The following SDK1 variants were observed in gnomAD, a reference collection of about 807,000 sequenced individuals.
SDK1 encodes protein sidekick-1.
Under a neutral mutation model 245.5 loss-of-function variants are expected in SDK1, and 157 were observed. That is an observed-to-expected ratio of 0.64 (90% CI 0.56 to 0.73). SDK1 has a LOEUF of 0.73. Among genes scored for constraint, SDK1 ranks in the 30% least tolerant of loss-of-function variants. The pLI is 0.00. For missense variants in SDK1, 3,583 were observed against 3,002.3 expected (o/e 1.19, Z -4.52); for synonymous variants, 1,647 against 1,278.5 (o/e 1.29, Z -6.15).
At chr7:3,346,239 A>AG (rs1412373328) in intron 1 of SDK1, among the ~76,000 whole-genome samples, 1 of 152,028 alleles carries the variant, frequency 6.6e-6, no homozygotes, top group African/African-American at 2.4e-5. Context: ...CAGCGAGAAG[A>AG]GGAGTCCTGC....
intron 1 of SDK1, among the ~76,000 whole-genome samples, chr7:3,442,632 C>G (rs1349084453): frequency 3.3e-5 from 5 of 152,196 alleles, no homozygotes; most frequent in African/African-American, 4.8e-5. Flanking sequence ...CTTAGTTTCT[C>G]TAAGCCTATT....
intron 1 of SDK1, among the ~76,000 whole-genome samples, chr7:3,477,062 T>A (rs1338691088): frequency 1.3e-5 from 2 of 152,174 alleles, no homozygotes; most frequent in Non-Finnish European, 2.9e-5. Context: ...ATGAGTCTGA[T>A]TGTGACCTTC....
intron 4 of SDK1, among the ~76,000 whole-genome samples, chr7:3,817,691 C>G (rs1218618303): frequency 6.6e-6 from 1 of 152,190 alleles, no homozygotes; most frequent in African/African-American, 2.4e-5. Context: ...GTGGCCCTCC[C>G]TCCCCCATGC....
intron 5 of SDK1, among the ~76,000 whole-genome samples, chr7:3,891,779 G>T (rs186941550): frequency 3.3e-5 from 5 of 152,206 alleles, no homozygotes; most frequent in African/African-American, 1.2e-4. Context: ...GTCTTTACCC[G>T]TAGGCTGTGC....
At chr7:3,569,482 G>C (rs1471038127) in intron 1 of SDK1, among the ~76,000 whole-genome samples, 1 of 152,264 alleles carries the variant, frequency 6.6e-6, no homozygotes, top group African/African-American at 2.4e-5. Flanking sequence ...CACTGTGATT[G>C]AATGAGCCCG....
At chr7:4,188,992 T>A (rs1783042813) in intron 35 of SDK1, among the ~76,000 whole-genome samples, 1 of 152,218 alleles carries the variant, frequency 6.6e-6, no homozygotes. Context: ...CTTGTCTTAT[T>A]CCTCTTTGTT....
intron 1 of SDK1, among the ~76,000 whole-genome samples, chr7:3,346,823 A>AT (rs1461297067): frequency 2.4e-3 from 69 of 28,212 alleles, no homozygotes; most frequent in African/African-American, 6.7e-3. Flanking sequence ...ATATATATAT[A>AT]TATATTTTTT....
intron 22 of SDK1, among the ~76,000 whole-genome samples, chr7:4,084,662 ATATGT>A (rs756197182): frequency 7.1e-6 from 1 of 140,240 alleles, no homozygotes; most frequent in South Asian, 2.3e-4. Context: ...CCTTAAATGT[ATATGT>A]TATGTTACGT....
chr7:4,126,261 C>T (rs1784384830), intron 25 of SDK1, among the ~76,000 whole-genome samples: 1 of 152,188 alleles, frequency 6.6e-6, no homozygotes, highest in South Asian at 2.1e-4. Flanking sequence ...AATCGGTCCA[C>T]AAGAAAATTA....
At chr7:3,316,945 T>C (rs1042851052) in intron 1 of SDK1, among the ~76,000 whole-genome samples, 4 of 151,934 alleles carry the variant, frequency 2.6e-5, no homozygotes, top group Non-Finnish European at 4.4e-5. Flanking sequence ...TTTGGGAGGC[T>C]GAGGTGGGCA....
intron 1 of SDK1, among the ~76,000 whole-genome samples, chr7:3,574,829 A>G (rs1780233451): frequency 6.6e-6 from 1 of 152,086 alleles, no homozygotes; most frequent in South Asian, 2.1e-4. Context: ...GACTGATATG[A>G]CCATGTTAGA....
intron 13 of SDK1, among the ~76,000 whole-genome samples, chr7:3,975,113 C>A (rs975814178): frequency 3.3e-5 from 5 of 152,308 alleles, no homozygotes; most frequent in South Asian, 2.1e-4. Flanking sequence ...AGGCGGGAAA[C>A]CGTCAATCTC....
intron 4 of SDK1, among the ~76,000 whole-genome samples, chr7:3,686,154 C>T (rs1010758280): frequency 8.5e-5 from 13 of 152,212 alleles, no homozygotes; most frequent in African/African-American, 9.7e-5. Flanking sequence ...CGGCCCACTG[C>T]AACCTCTACC....
intron 1 of SDK1, among the ~76,000 whole-genome samples, chr7:3,467,940 A>T (rs1781058477): frequency 6.6e-6 from 1 of 151,632 alleles, no homozygotes. Flanking sequence ...CTGGCTTTCT[A>T]ATTATCATAT....
chr7:3,316,980 G>T (rs562611880), intron 1 of SDK1, among the ~76,000 whole-genome samples: 2 of 152,022 alleles, frequency 1.3e-5, no homozygotes, highest in South Asian at 4.2e-4. Flanking sequence ...AGGAGTTTGA[G>T]ACCAGCCTGG....
chr7:3,778,811 C>T (rs760949670), intron 4 of SDK1, among the ~76,000 whole-genome samples: 12 of 152,248 alleles, frequency 7.9e-5, no homozygotes, highest in African/African-American at 2.2e-4. Flanking sequence ...CCTGCAGGGT[C>T]GATTTCAAAG....
At chr7:3,303,487 T>C (rs918655149) in intron 1 of SDK1, among the ~76,000 whole-genome samples, 1 of 152,256 alleles carries the variant, frequency 6.6e-6, no homozygotes, top group East Asian at 1.9e-4. Context: ...AGTTGCACTT[T>C]GAAGGTTGTG....
At chr7:4,055,036 G>A (rs1006132456) in intron 19 of SDK1, among the ~76,000 whole-genome samples, 3 of 152,184 alleles carry the variant, frequency 2.0e-5, no homozygotes, top group Non-Finnish European at 4.4e-5. Context: ...AAGTTCATGA[G>A]AGATATTAAT....
At chr7:3,581,514 G>A (rs1300887327) in intron 1 of SDK1, among the ~76,000 whole-genome samples, 1 of 152,218 alleles carries the variant, frequency 6.6e-6, no homozygotes, top group Non-Finnish European at 1.5e-5. Context: ...GGGCCAGGTT[G>A]TGGGGAAAGG....
Sources: allele counts gnomAD v4.1 joint callset (sites outside exome capture counted in the v4.1 genomes callset), GRCh38; gene constraint gnomAD v4.1.1; transcripts MANE v1.5; gene names NCBI Gene and HGNC (gene_info 2026-07-23, HGNC 2026-07-21).